The following COQ10B variants were observed in gnomAD, a reference collection of about 807,000 sequenced individuals.
COQ10B encodes coenzyme Q-binding protein COQ10 homolog B, mitochondrial.
Under a neutral mutation model 27.6 loss-of-function variants are expected in COQ10B, and 12 were observed. That is an observed-to-expected ratio of 0.43 (90% CI 0.28 to 0.70). The LOEUF is 0.70. Among genes scored for constraint, COQ10B ranks in the 30% least tolerant of loss-of-function variants. The pLI, the probability that COQ10B is intolerant of heterozygous loss-of-function variation, is 0.17. For synonymous variants in COQ10B, 115 were observed against 103.0 expected (o/e 1.12, Z -0.71); for missense variants, 278 against 288.7 (o/e 0.96, Z 0.27).
intron 4 of COQ10B, among the ~76,000 whole-genome samples, chr2:197,471,210 T>C (rs921594110): frequency 7.9e-5 from 12 of 152,188 alleles, no homozygotes; most frequent in South Asian, 2.1e-4. Context: ...TGCTGTGATA[T>C]TGACTCAGTG....
chr2:197,472,488 C>T (rs983445810), intron 4 of COQ10B, among the ~76,000 whole-genome samples: 1 of 152,106 alleles, frequency 6.6e-6, no homozygotes, highest in Non-Finnish European at 1.5e-5. Flanking sequence ...ACAAGCTTGT[C>T]CACATCATTG....
In COQ10B at chr2:197,453,795, T is replaced by G. The variant is rs1215039187; in HGVS notation, c.104+131T>G. ...TTCCGTGTCTTTAGAGGAGAAGGCT[T>G]TTTTTTGCGTTTGGCATCTGAGGGA... is the stretch of plus-strand genomic sequence containing the variant. On this transcript the variant is annotated intron_variant, in intron 1 of 4. Coordinates refer to ENST00000263960, the MANE Select transcript of COQ10B (RefSeq NM_025147.5). The G allele has an allele frequency of 1.8e-5, 18 of 1,027,188 alleles. No individual in the cohort carries two copies. In the Admixed American group the frequency reaches 2.5e-4, roughly 14 times the overall value. 63.6% of individuals were successfully genotyped at this position (1,027,188 alleles called of 1,614,324 possible). A position where few individuals can be genotyped will look rare whatever the true frequency, so the allele number is the denominator to read the frequency against.
chr2:197,471,254 C>T (rs890648644), intron 4 of COQ10B, among the ~76,000 whole-genome samples: 2 of 151,998 alleles, frequency 1.3e-5, no homozygotes, highest in Admixed American at 6.6e-5. Flanking sequence ...GTGATCCTCA[C>T]ACCTCAGCCT....
Position 197,473,745 on chromosome 2 carries a change from AT to A in COQ10B, c.550-8del. 6.9e-7 allele frequency: 1 copy of A among 1,454,930 alleles called. No homozygotes were observed. Among genetic ancestry groups the A allele is most frequent in the Non-Finnish European group, 9.2e-7 (1 of 1,090,216 alleles). 90.1% of individuals were successfully genotyped at this position (1,454,930 alleles called of 1,614,324 possible). ...AATTTTTTCTAAAATAATTTTCAAT[AT>A]TTTCCTACAGATTTCTTTTGAATTT... is the stretch of plus-strand genomic sequence containing the variant. On this transcript the variant is annotated splice_polypyrimidine_tract_variant and intron_variant, in intron 4 of 4. Transcript: ENST00000263960.
At chr2:197,468,308 T>C (rs1171937097) in intron 3 of COQ10B, among the ~76,000 whole-genome samples, 1 of 151,844 alleles carries the variant, frequency 6.6e-6, no homozygotes, top group African/African-American at 2.4e-5. Flanking sequence ...CCGAGCATGG[T>C]GGCGGGCATC....
At chr2:197,463,159 G>A (rs2085779839) in intron 3 of COQ10B, among the ~76,000 whole-genome samples, 1 of 152,102 alleles carries the variant, frequency 6.6e-6, no homozygotes, top group Non-Finnish European at 1.5e-5. Context: ...AAATTAAAGT[G>A]GTGAGAGGAT....
Position 197,462,584 on chromosome 2 carries a change from T to C in COQ10B, c.300T>C (p.Asp100=). The C allele has an allele frequency of 6.3e-7, 1 of 1,594,994 alleles. No homozygotes were observed. Among genetic ancestry groups the C allele is most frequent in the Non-Finnish European group, 8.6e-7 (1 of 1,166,978 alleles). ...EMYDVVSGVE[D]YKHFVPWCKK... is the part of the protein sequence containing the mutation. ...ATGATGTAGTATCGGGAGTGGAGGA[T>C]TACAAGCATTTTGTTCCTTGGTGCA... Residue 100 remains aspartate (D), a synonymous_variant, in exon 3 of 5, where the codon GAT becomes GAC. Transcript: ENST00000263960.
chr2:197,460,499 G>C (rs541012313), intron 2 of COQ10B, among the ~76,000 whole-genome samples: 1 of 152,074 alleles, frequency 6.6e-6, no homozygotes, highest in South Asian at 2.1e-4. Flanking sequence ...CCTAGCCATT[G>C]CTATTTTATA....
intron 1 of COQ10B, among the ~76,000 whole-genome samples, chr2:197,459,108 C>A (rs1352769117): frequency 1.3e-5 from 2 of 152,172 alleles, no homozygotes; most frequent in Non-Finnish European, 2.9e-5. Context: ...TACATATATG[C>A]ATTGAAATGG....
Position 197,458,868 on chromosome 2 carries a change from G to A in COQ10B, c.105-1064G>A, listed in dbSNP as rs144398356. On this transcript the variant is annotated intron_variant, in intron 1 of 4. Transcript: ENST00000263960. ...GCTAATTTTTTGCATTTTTAGTAGA[G>A]ATGGGGTTTCACCATGTTAGTCAGG... Among the ~76,000 whole-genome samples, 590 of 152,142 alleles carry A rather than the reference G, an allele frequency of 3.9e-3. 4 individuals are homozygous for A. The highest frequency in any genetic ancestry group is 0.011 in the African/African-American group (458 of 41,516).
In COQ10B at chr2:197,453,976, A is replaced by C. The variant is rs1433750081; in HGVS notation, c.104+312A>C. ...GTCTCCTCCCCTATGGCTTGTTGCT[A>C]CTGCTGTTGGAAAGTTTTAACTTTG... On this transcript the variant is annotated intron_variant, in intron 1 of 4. Coordinates refer to ENST00000263960, the MANE Select transcript of COQ10B (RefSeq NM_025147.5). The C allele has an allele frequency of 3.2e-6, 5 of 1,550,736 alleles. No homozygotes were observed. The South Asian group carries it at 5.9e-5, about 18-fold the overall frequency.
At position 197,462,634 on chromosome 2, in the gene COQ10B, G is replaced by T. The variant is rs780882419; in HGVS notation, c.350G>T (p.Arg117Ile). The stretch of plus-strand genomic sequence containing the variant: ...AAAAAATCAGATGTTATATCAAAGA[G>T]ATCTGGATATTGTAAAACAAGATTA... ...WCKKSDVISK[R>I]SGYCKTRLEI... Residue 117 changes from arginine to isoleucine, a missense_variant, in exon 3 of 5, where the codon AGA becomes ATA. This residue lies in a region of COQ10B where 183 missense variants were observed against 158.2 expected (regional missense o/e 1.16). Transcript: ENST00000263960. The T allele has an allele frequency of 6.3e-7, 1 of 1,599,524 alleles. No individual in the cohort carries two copies. The highest frequency in any genetic ancestry group is 1.1e-5 in the South Asian group (1 of 89,512).
chr2:197,464,818 ATTTT>A (rs201918609), intron 3 of COQ10B, among the ~76,000 whole-genome samples: 9 of 149,684 alleles, frequency 6.0e-5, no homozygotes, highest in African/African-American at 9.8e-5. Context: ...TATAATCTTA[ATTTT>A]TTTTTTCTAT....
chr2:197,465,302 T>TC (rs1287737499), intron 3 of COQ10B, among the ~76,000 whole-genome samples: 1 of 150,554 alleles, frequency 6.6e-6, no homozygotes. Flanking sequence ...TTTTTTTTTT[T>TC]CCTTTGAGAC....
At position 197,460,097 on chromosome 2, in the gene COQ10B, G is replaced by A. The variant is rs777372542; in HGVS notation, c.254+16G>A. ...GAATTTTAGGGTTCGTATATGATAA[G>A]AATTCTACTAAAAGAGCATGTTCAC... On this transcript the variant is annotated intron_variant, in intron 2 of 4. Transcript: ENST00000263960. 1.3e-6 allele frequency: 2 copies of A among 1,568,098 alleles called. No individual in the cohort carries two copies. The highest frequency in any genetic ancestry group is 2.7e-5 in the African/African-American group (2 of 73,332).
At chr2:197,460,158 C>T (rs1456640904) in intron 2 of COQ10B, 77 bp downstream of exon 2, 4 of 979,026 alleles carry the variant, frequency 4.1e-6, no homozygotes, top group Middle Eastern at 2.2e-4. Flanking sequence ...GCCTCTTTCT[C>T]TCTGGATTAT....
chr2:197,459,430 C>T (rs2085733680), intron 1 of COQ10B, among the ~76,000 whole-genome samples: 1 of 152,186 alleles, frequency 6.6e-6, no homozygotes, highest in East Asian at 1.9e-4. Flanking sequence ...CCTCCCAAAC[C>T]ACTGGGATTA....
At chr2:197,464,838 G>A (rs2085806916) in intron 3 of COQ10B, among the ~76,000 whole-genome samples, 1 of 150,976 alleles carries the variant, frequency 6.6e-6, no homozygotes, top group African/African-American at 2.4e-5. Context: ...TCTATTTCCT[G>A]AGCTCAATTT....
rs1158436789 is a variant in COQ10B at position 197,473,977 on chromosome 2, AG to A, written c.*55del. On this transcript the variant is annotated 3_prime_UTR_variant, in exon 5 of 5. Coordinates refer to ENST00000263960, the MANE Select transcript of COQ10B (RefSeq NM_025147.5). ...TTCTGACTTTAGTTTGTTCACTTTT[AG>A]GAAGTATTTTCATGACATGTTTTCA... The A allele has an allele frequency of 7.4e-7, 1 of 1,358,952 alleles. No homozygotes were observed. Among genetic ancestry groups the A allele is most frequent in the African/African-American group, 1.5e-5 (1 of 67,482 alleles). The allele number at this position is 1,358,952 out of a possible 1,614,324, so 84.2% of individuals were successfully genotyped here.
Sources: allele counts gnomAD v4.1 joint callset (sites outside exome capture counted in the v4.1 genomes callset), GRCh38; gene constraint gnomAD v4.1.1; regional missense constraint gnomAD v4.1.1; transcripts MANE v1.5; gene names NCBI Gene and HGNC (gene_info 2026-07-23, HGNC 2026-07-21).